Variants in FSTL5 observed in about 807,000 individuals in gnomAD.
The protein encoded by FSTL5 is follistatin like 5.
In FSTL5, 62 loss-of-function variants were observed where a neutral mutation model predicts 89.1. That is an observed-to-expected ratio of 0.70 (90% CI 0.57 to 0.86). FSTL5 has a LOEUF of 0.86. FSTL5 is among the 40% of genes least tolerant of loss of function. FSTL5 has a pLI of 0.00. For synonymous variants in FSTL5, 383 were observed against 346.2 expected, an observed-to-expected ratio of 1.11 and a Z score of -1.18; for missense variants, 1,057 against 1,001.6, an observed-to-expected ratio of 1.06 and a Z score of -0.75.
At chr4:161,785,417 G>GT (rs1246319895) in intron 4 of FSTL5, among the ~76,000 whole-genome samples, 1 of 152,080 alleles carries the variant, frequency 6.6e-6, no homozygotes, top group African/African-American at 2.4e-5. Context: ...GGTTGATAAG[G>GT]TTTTTTAATT....
chr4:161,846,207 A>G (rs1215150054), intron 4 of FSTL5, among the ~76,000 whole-genome samples: 1 of 152,122 alleles, frequency 6.6e-6, no homozygotes, highest in East Asian at 1.9e-4. Flanking sequence ...TATTTGCTAT[A>G]ATGAAGTGAA....
intron 4 of FSTL5, among the ~76,000 whole-genome samples, chr4:161,911,281 A>G (rs1452201234): frequency 1.3e-5 from 2 of 151,992 alleles, no homozygotes; most frequent in East Asian, 3.8e-4. Flanking sequence ...TATATATATA[A>G]TTCTGAGGAA....
intron 7 of FSTL5, among the ~76,000 whole-genome samples, chr4:161,631,517 T>C (rs188080130): frequency 7.4e-4 from 113 of 152,172 alleles, no homozygotes; most frequent in African/African-American, 2.6e-3. Flanking sequence ...CTCAGGAGGG[T>C]GAGGCAAGAG....
chr4:161,537,875 GCAAGAGATATAAATTCCTC>G (rs1731679371), intron 10 of FSTL5, among the ~76,000 whole-genome samples: 1 of 152,126 alleles, frequency 6.6e-6, no homozygotes, highest in African/African-American at 2.4e-5. Flanking sequence ...GAGGGATTTT[GCAAGAGATATAAATTCCTC>G]CAAGAGCAAA....
At chr4:161,834,363 C>G (rs987520833) in intron 4 of FSTL5, among the ~76,000 whole-genome samples, 6 of 152,078 alleles carry the variant, frequency 3.9e-5, no homozygotes, top group African/African-American at 1.4e-4. Context: ...TGGGCAAAAA[C>G]TGGAAGCATT....
chr4:161,499,155 T>C (rs1730205258), intron 12 of FSTL5, among the ~76,000 whole-genome samples: 1 of 152,078 alleles, frequency 6.6e-6, no homozygotes, highest in African/African-American at 2.4e-5. Context: ...TGAGCCGAGA[T>C]CACTCCATTG....
chr4:162,008,080 T>C (rs1191997150), intron 3 of FSTL5, among the ~76,000 whole-genome samples: 2 of 151,842 alleles, frequency 1.3e-5, no homozygotes, highest in Non-Finnish European at 3.0e-5. Context: ...TATGATAAAG[T>C]ATTTGTTTTT....
At position 161,945,338 on chromosome 4, in the gene FSTL5, A is replaced by G. The variant is rs773394463; in HGVS notation, c.161-24686T>C. ...GTTGCATGCTATAGTTGAGAACTCTATAAATAATTCAGGGATTGACGGCAC... is the reference window on the plus strand; with the variant it reads ...GTTGCATGCTATAGTTGAGAACTCTGTAAATAATTCAGGGATTGACGGCAC... On this transcript the variant is annotated intron_variant, in intron 3 of 15. Coordinates refer to ENST00000306100, the MANE Select transcript of FSTL5 (RefSeq NM_020116.5). Among the ~76,000 whole-genome samples the G allele has an allele frequency of 2.6e-5, 4 of 152,198 alleles. No individual in the cohort carries two copies. The East Asian group carries it at 7.7e-4, about 29-fold the overall frequency.
At chr4:161,770,845 C>T (rs1741182529) in intron 5 of FSTL5, among the ~76,000 whole-genome samples, 1 of 151,818 alleles carries the variant, frequency 6.6e-6, no homozygotes, top group South Asian at 2.1e-4. Context: ...ACTACATTAT[C>T]TGGGGGGATA....
At chr4:161,615,775 C>T (rs771722621) in intron 7 of FSTL5, among the ~76,000 whole-genome samples, 7 of 152,094 alleles carry the variant, frequency 4.6e-5, no homozygotes, top group African/African-American at 9.6e-5. Context: ...AACATTAGAA[C>T]GAATGCACAA....
chr4:161,420,892 T>G (rs2126311850), intron 15 of FSTL5, among the ~76,000 whole-genome samples: 1 of 150,958 alleles, frequency 6.6e-6, no homozygotes, highest in East Asian at 1.9e-4. Context: ...TATAAATAAA[T>G]AAATAAATAT....
intron 3 of FSTL5, among the ~76,000 whole-genome samples, chr4:162,004,189 A>G (rs1287174950): frequency 1.3e-5 from 2 of 152,170 alleles, no homozygotes; most frequent in Non-Finnish European, 1.5e-5. Flanking sequence ...CAAACACCCC[A>G]AACTGTACTC....
intron 10 of FSTL5, among the ~76,000 whole-genome samples, chr4:161,513,797 C>T (rs182190828): frequency 1.3e-5 from 2 of 152,018 alleles, no homozygotes; most frequent in Admixed American, 6.6e-5. Flanking sequence ...TGTGAAAACA[C>T]GGAAACATGA....
intron 7 of FSTL5, among the ~76,000 whole-genome samples, chr4:161,616,799 T>C (rs1335799021): frequency 6.7e-6 from 1 of 150,020 alleles, no homozygotes; most frequent in Non-Finnish European, 1.5e-5. Context: ...CAAACCACCC[T>C]GACACATGTT....
chr4:161,591,389 G>C (rs1019044838), intron 7 of FSTL5, among the ~76,000 whole-genome samples: 4 of 152,178 alleles, frequency 2.6e-5, no homozygotes, highest in African/African-American at 9.6e-5. Flanking sequence ...CGACAGCCAT[G>C]ATGGCTGCAC....
At chr4:162,038,385 GGAA>G (rs1328492563) in intron 2 of FSTL5, among the ~76,000 whole-genome samples, 1 of 151,832 alleles carries the variant, frequency 6.6e-6, no homozygotes, top group Non-Finnish European at 1.5e-5. Flanking sequence ...AGACAATCTG[GGAA>G]GAAGTACGGT....
rs947015845 is a variant in FSTL5 at position 161,601,237 on chromosome 4, T to A, written c.895-13662A>T. Among the ~76,000 whole-genome samples, 3 of 149,338 alleles carry A rather than the reference T, an allele frequency of 2.0e-5. No individual in the cohort carries two copies. In the East Asian group the frequency reaches 6.0e-4, roughly 30 times the overall value. Reference sequence around the variant, plus strand: ...TACAGGCCTGGTGTTGAGTAACAGCTCATGCTGAGGTGAGAAACCAAACAA... The same window carrying A: ...TACAGGCCTGGTGTTGAGTAACAGCACATGCTGAGGTGAGAAACCAAACAA... On this transcript the variant is annotated intron_variant, in intron 7 of 15. Coordinates refer to ENST00000306100, the MANE Select transcript of FSTL5 (RefSeq NM_020116.5).
chr4:161,436,340 G>C lies in FSTL5; in HGVS notation c.1841+18664C>G, dbSNP rs1732561161. Among the ~76,000 whole-genome samples, 4 of 152,146 alleles carry C rather than the reference G, an allele frequency of 2.6e-5. No homozygotes were observed. In the South Asian group the frequency reaches 8.3e-4, roughly 31 times the overall value. On this transcript the variant is annotated intron_variant, in intron 15 of 15. Transcript: ENST00000306100. ...TTCCTAGTTTCTTCTAACTTTTAGG[G>C]AGGTTTTGGCTGCTGCTTGCTTGCC...
At chr4:162,026,407 A>G (rs1408347941) in intron 3 of FSTL5, among the ~76,000 whole-genome samples, 3 of 144,550 alleles carry the variant, frequency 2.1e-5, no homozygotes, top group Non-Finnish European at 4.5e-5. Context: ...TCCTGGGTTC[A>G]AGCGATTCTA....
Sources: allele counts gnomAD v4.1 joint callset (sites outside exome capture counted in the v4.1 genomes callset), GRCh38; gene constraint gnomAD v4.1.1; transcripts MANE v1.5; gene names NCBI Gene and HGNC (gene_info 2026-07-23, HGNC 2026-07-21).